The following HS3ST5 variants were observed in gnomAD, a reference collection of about 807,000 sequenced individuals.
The protein encoded by HS3ST5 is heparan sulfate-glucosamine 3-sulfotransferase 5.
HS3ST5 carries 10 observed loss-of-function variants against 25.4 expected under a neutral mutation model. That is an observed-to-expected ratio of 0.39 (90% CI 0.24 to 0.67). HS3ST5 has a LOEUF of 0.67. Among genes scored for constraint, HS3ST5 ranks in the 30% least tolerant of loss-of-function variants. The pLI is 0.44. For synonymous variants in HS3ST5, 170 were observed against 162.4 expected (o/e 1.05, Z -0.36); for missense variants, 324 against 420.7 (o/e 0.77, Z 2.01).
intron 1 of HS3ST5, among the ~76,000 whole-genome samples, chr6:114,334,575 T>A (rs1776532928): frequency 6.6e-6 from 1 of 152,234 alleles, no homozygotes; most frequent in Admixed American, 6.5e-5. Flanking sequence ...ACCTTTTCTA[T>A]GTTTAGATAC....
chr6:114,259,123 T>C (rs1056544150), intron 1 of HS3ST5, among the ~76,000 whole-genome samples: 1 of 152,190 alleles, frequency 6.6e-6, no homozygotes, highest in African/African-American at 2.4e-5. Flanking sequence ...TTAGCTTCAG[T>C]TTCCCCAGAT....
intron 2 of HS3ST5, among the ~76,000 whole-genome samples, chr6:114,225,190 A>G (rs533867688): frequency 6.6e-6 from 1 of 151,886 alleles, no homozygotes; most frequent in Non-Finnish European, 1.5e-5. Flanking sequence ...TCTCCTTGAA[A>G]CTTCCAATAG....
chr6:114,184,093 C>T (rs1216964885), intron 2 of HS3ST5, among the ~76,000 whole-genome samples: 3 of 111,598 alleles, frequency 2.7e-5, no homozygotes, highest in South Asian at 3.2e-4. Flanking sequence ...GACGGAGTCT[C>T]GCTCTGTCGC....
chr6:114,331,643 C>T (rs1392506885), intron 1 of HS3ST5, among the ~76,000 whole-genome samples: 1 of 151,836 alleles, frequency 6.6e-6, no homozygotes, highest in African/African-American at 2.4e-5. Context: ...AAACTAATTT[C>T]TTATTTTACT....
intron 3 of HS3ST5, among the ~76,000 whole-genome samples, chr6:114,086,885 G>A (rs569298035): frequency 1.3e-5 from 2 of 152,268 alleles, no homozygotes; most frequent in East Asian, 3.9e-4. Flanking sequence ...GGCAAGCAAA[G>A]GTCAATTTAG....
intron 1 of HS3ST5, among the ~76,000 whole-genome samples, chr6:114,296,913 G>T (rs1027429697): frequency 2.0e-5 from 3 of 152,222 alleles, no homozygotes; most frequent in African/African-American, 7.2e-5. Context: ...AGTGCCTTCA[G>T]GAGCTTGGAG....
intron 1 of HS3ST5, among the ~76,000 whole-genome samples, chr6:114,251,189 G>A (rs759453692): frequency 6.6e-6 from 1 of 152,214 alleles, no homozygotes; most frequent in Non-Finnish European, 1.5e-5. Context: ...TGTTGCAACA[G>A]TATTATGTGT....
chr6:114,101,919 G>T (rs1775754470), intron 3 of HS3ST5, among the ~76,000 whole-genome samples: 1 of 152,102 alleles, frequency 6.6e-6, no homozygotes, highest in Non-Finnish European at 1.5e-5. Context: ...TGGACATGGA[G>T]GTCATTATCC....
intron 3 of HS3ST5, chr6:114,084,445 T>C (rs749085784): frequency 1.5e-5 from 11 of 756,564 alleles, no homozygotes; most frequent in South Asian, 6.7e-5. Flanking sequence ...AGGATCTCTG[T>C]AGAAGTAGAG....
intron 1 of HS3ST5, among the ~76,000 whole-genome samples, chr6:114,282,712 C>T (rs1174302079): frequency 6.6e-6 from 1 of 151,974 alleles, no homozygotes; most frequent in South Asian, 2.1e-4. Context: ...CCTTTTTCCT[C>T]CTCCTATCCT....
intron 3 of HS3ST5, among the ~76,000 whole-genome samples, chr6:114,134,840 T>G (rs1582638421): frequency 6.6e-6 from 1 of 152,250 alleles, no homozygotes; most frequent in East Asian, 1.9e-4. Flanking sequence ...TCCAGTGTCC[T>G]GAAATTTTGT....
chr6:114,225,459 T>C (rs1209944234), intron 2 of HS3ST5, among the ~76,000 whole-genome samples: 1 of 151,838 alleles, frequency 6.6e-6, no homozygotes, highest in African/African-American at 2.4e-5. Flanking sequence ...GGTGTAAAAG[T>C]CTTATTTTAG....
intron 3 of HS3ST5, among the ~76,000 whole-genome samples, chr6:114,074,061 G>A (rs887058249): frequency 3.3e-5 from 5 of 151,994 alleles, no homozygotes; most frequent in Non-Finnish European, 4.4e-5. Context: ...AACCAACACC[G>A]CATGTTCTCA....
intron 2 of HS3ST5, among the ~76,000 whole-genome samples, chr6:114,217,162 T>C (rs1229621695): frequency 6.6e-6 from 1 of 152,216 alleles, no homozygotes; most frequent in East Asian, 1.9e-4. Context: ...CCAGGCAATG[T>C]TTTGATGAAA....
intron 1 of HS3ST5, among the ~76,000 whole-genome samples, chr6:114,247,687 C>T (rs1053505687): frequency 3.4e-4 from 51 of 151,758 alleles, no homozygotes; most frequent in Non-Finnish European, 2.2e-4. Flanking sequence ...TTCTAGTCAT[C>T]ATTCAGCTTT....
At position 114,276,608 on chromosome 6, in the gene HS3ST5, T is replaced by TG. The variant is rs1404321804; in HGVS notation, c.-338-47831dup. Among the ~76,000 whole-genome samples the TG allele has an allele frequency of 8.9e-3, 27 of 3,044 alleles. No homozygotes were observed. In the Middle Eastern group the frequency reaches 0.19, roughly 21 times the overall value. The allele number at this position is 3,044 out of a possible 152,430, so 2.0% of individuals were successfully genotyped here. On this transcript the variant is annotated intron_variant, in intron 1 of 4. Coordinates refer to ENST00000312719, the MANE Select transcript of HS3ST5 (RefSeq NM_153612.4). ...TAAATCTCCAAAAGCTATGAGAGTG[T>TG]GGGAAAAAAAAAAACAAAAAAACAA...
intron 1 of HS3ST5, among the ~76,000 whole-genome samples, chr6:114,290,524 C>T (rs117513553): frequency 0.044 from 6,618 of 152,104 alleles, 216 homozygotes; most frequent in Non-Finnish European, 0.068. Flanking sequence ...CACACAGAAA[C>T]CGGTAATGCC....
chr6:114,154,456 G>T (rs1198790121), intron 3 of HS3ST5, among the ~76,000 whole-genome samples: 1 of 152,104 alleles, frequency 6.6e-6, no homozygotes, highest in African/African-American at 2.4e-5. Context: ...CCAGGGGTTT[G>T]AAACCAACCT....
At chr6:114,220,807 A>T (rs1781995684) in intron 2 of HS3ST5, 1 of 151,986 alleles carries the variant, frequency 6.6e-6, no homozygotes, top group Non-Finnish European at 1.5e-5. Flanking sequence ...TCATTTTTTT[A>T]AAAGTCTAAT....
Sources: gnomAD v4.1 joint callset for allele counts (sites outside exome capture counted in the v4.1 genomes callset) on GRCh38, gnomAD v4.1.1 for gene constraint, MANE v1.5 for transcripts, NCBI Gene and HGNC (gene_info 2026-07-23, HGNC 2026-07-21) for gene names.